MYBL1: variants seen among roughly 807,000 people sequenced by gnomAD.
MYBL1 encodes myb-related protein A.
In MYBL1, 17 loss-of-function variants were observed where a neutral mutation model predicts 96.3. That is an observed-to-expected ratio of 0.18 (90% confidence interval 0.12 to 0.26). MYBL1 has a LOEUF of 0.26. MYBL1 is among the 10% of genes least tolerant of loss of function. MYBL1 has a pLI of 1.00. For missense variants in MYBL1, 701 were observed against 882.9 expected (o/e 0.79, Z 2.61); for synonymous variants, 282 against 292.7 (o/e 0.96, Z 0.37).
intron 12 of MYBL1, among the ~76,000 whole-genome samples, chr8:66,567,888 C>A (rs1188224786): frequency 6.6e-6 from 1 of 151,512 alleles, no homozygotes; most frequent in East Asian, 1.9e-4. Flanking sequence ...ATGGTGAAAC[C>A]CCATCTCTAC....
Position 66,564,811 on chromosome 8 carries a change from C to A in MYBL1, c.2145G>T (p.Trp715Cys). Reference sequence around the variant, plus strand: ...CTGTCTTCCCATAAACCACTGTTTCCCATTCACAATTTGACTAGAAAGGAA... The same window carrying A: ...CTGTCTTCCCATAAACCACTGTTTCACATTCACAATTTGACTAGAAAGGAA... ...LEKNLQSNCE[W>C]ETVVYGKTED... Residue 715 changes from tryptophan to cysteine, a missense_variant, in exon 16 of 16, where the codon TGG becomes TGT. Around this residue, in one of 5 missense-constraint regions of MYBL1, gnomAD observed 137 missense variants for 137.5 expected, o/e 1.00. Coordinates refer to ENST00000522677, the MANE Select transcript of MYBL1 (RefSeq NM_001080416.4). 1.3e-6 allele frequency: 2 copies of A among 1,565,100 alleles called. No homozygotes were observed. Among genetic ancestry groups the A allele is most frequent in the Admixed American group, 1.8e-5 (1 of 54,398 alleles).
chr8:66,611,715 T>A (rs953923997), intron 1 of MYBL1, among the ~76,000 whole-genome samples: 3 of 152,208 alleles, frequency 2.0e-5, no homozygotes, highest in African/African-American at 7.2e-5. Context: ...GACTTAAGGA[T>A]TTCTGCAGAA....
At chr8:66,597,296 G>C (rs1434401597) in intron 5 of MYBL1, 34 bp downstream of exon 5, 3 of 1,415,588 alleles carry the variant, frequency 2.1e-6, no homozygotes, top group Admixed American at 2.6e-5. Context: ...TCATGTTTAA[G>C]TACAGAAAAA....
rs556396962 is a variant in MYBL1 at position 66,574,262 on chromosome 8, G to A, written c.1471-756C>T. On this transcript the variant is annotated intron_variant, in intron 10 of 15. Coordinates refer to ENST00000522677, the MANE Select transcript of MYBL1 (RefSeq NM_001080416.4). ...TTAGTAATCAAACCCTCTTTTACACGATAAAATCCAAGCAGTTTGCCATGG... is the reference window on the plus strand; with the variant it reads ...TTAGTAATCAAACCCTCTTTTACACAATAAAATCCAAGCAGTTTGCCATGG... 5.3e-5 allele frequency among the ~76,000 whole-genome samples: 8 copies of A among 152,146 alleles called. No homozygotes were observed. In the South Asian group the frequency reaches 1.5e-3, roughly 28 times the overall value.
intron 12 of MYBL1, 61 bp from the exon 13 acceptor site, chr8:66,567,053 A>G: frequency 9.0e-7 from 1 of 1,111,412 alleles, no homozygotes; most frequent in South Asian, 1.4e-5. Flanking sequence ...TTCTCCCTAT[A>G]TATAGGAAAC....
At chr8:66,595,230 T>C (rs1369929487) in intron 6 of MYBL1, among the ~76,000 whole-genome samples, 2 of 152,166 alleles carry the variant, frequency 1.3e-5, no homozygotes, top group Non-Finnish European at 2.9e-5. Context: ...ATTTTATATA[T>C]ACCTACCTCT....
intron 1 of MYBL1, among the ~76,000 whole-genome samples, chr8:66,604,993 C>T (rs537332936): frequency 1.3e-5 from 2 of 151,872 alleles, no homozygotes; most frequent in South Asian, 4.2e-4. Flanking sequence ...ACAGCACTTC[C>T]CAACAGAGAC....
chr8:66,604,293 C>T (rs958816389), intron 1 of MYBL1, among the ~76,000 whole-genome samples: 10 of 152,058 alleles, frequency 6.6e-5, no homozygotes, highest in Non-Finnish European at 1.2e-4. Context: ...GAGGCTGAGT[C>T]GAGCAGATCA....
chr8:66,577,333 T>C (rs1242197978), intron 9 of MYBL1, among the ~76,000 whole-genome samples: 2 of 147,818 alleles, frequency 1.4e-5, no homozygotes, highest in Non-Finnish European at 3.0e-5. Flanking sequence ...AAAACCCCAT[T>C]GTCTCAGCCC....
chr8:66,577,776 T>C (rs1809023833), intron 9 of MYBL1, among the ~76,000 whole-genome samples: 2 of 152,070 alleles, frequency 1.3e-5, no homozygotes, highest in African/African-American at 4.8e-5. Flanking sequence ...ACCAAGTCAA[T>C]CCTAAGCCAA....
rs1473388798 is a variant in MYBL1 at position 66,576,111 on chromosome 8, C to A, written c.1366G>T (p.Gly456Cys). The A allele has an allele frequency of 1.2e-6, 2 of 1,613,752 alleles. No homozygotes were observed. Among genetic ancestry groups the A allele is most frequent in the Non-Finnish European group, 1.7e-6 (2 of 1,179,872 alleles). The change falls in exon 10 of 16, where the codon GGT (glycine) becomes TGT (cysteine). Residue 456 changes from glycine to cysteine, a missense_variant. Gly to Cys is a radical substitution (Grantham distance 159). Transcript: ENST00000522677. The part of the protein sequence containing the change: ...ILRKKRKMRV[G>C]HSPGSELRDG... ...CTAAGTTCGCTGCCTGGGGAATGAC[C>A]CACTCGCATTTTTCTCTTCTTTCTG...
At chr8:66,569,738 A>G (rs561104862) in intron 12 of MYBL1, among the ~76,000 whole-genome samples, 1 of 152,344 alleles carries the variant, frequency 6.6e-6, no homozygotes, top group South Asian at 2.1e-4. Flanking sequence ...AATAGGGCTA[A>G]GACAGATTAA....
chr8:66,595,729 TC>T lies in MYBL1; in HGVS notation c.540del (p.Trp180Ter). 1 of 1,566,514 alleles carries T rather than the reference TC, an allele frequency of 6.4e-7. No homozygotes were observed. Among genetic ancestry groups the T allele is most frequent in the South Asian group, 1.2e-5 (1 of 84,746 alleles). On this transcript the variant is annotated frameshift_variant, in exon 6 of 16. Transcript: ENST00000522677. LOFTEE classifies it high-confidence loss of function. ...GRTDNSIKNHWNSTMRRKVEQ... is the reference protein window; with the variant it reads ...GRTDNSIKNHXNSTMRRKVEQ... Reference sequence around the variant, plus strand: ...TCCACTTTTCTTCGCATAGTAGAATTCCAATGATTTTTGATAGAATTATCAG... The same window carrying T: ...TCCACTTTTCTTCGCATAGTAGAATTCAATGATTTTTGATAGAATTATCAG...
At chr8:66,588,803 C>T (rs754555980) in intron 8 of MYBL1, among the ~76,000 whole-genome samples, 1 of 152,120 alleles carries the variant, frequency 6.6e-6, no homozygotes, top group Non-Finnish European at 1.5e-5. Context: ...AGGTGGATCA[C>T]GAGGTCAGGA....
At chr8:66,585,160 G>C (rs187606455) in intron 8 of MYBL1, among the ~76,000 whole-genome samples, 69 of 152,076 alleles carry the variant, frequency 4.5e-4, no homozygotes, top group African/African-American at 1.5e-3. Context: ...ATTCTATATA[G>C]AGCTGTAGTA....
intron 5 of MYBL1, among the ~76,000 whole-genome samples, chr8:66,596,752 A>G (rs1809865621): frequency 6.6e-6 from 1 of 152,186 alleles, no homozygotes; most frequent in African/African-American, 2.4e-5. Context: ...CTGCTGTACT[A>G]AACGCTATTA....
Position 66,562,981 on chromosome 8 carries a change from T to C in MYBL1, c.*1716A>G, listed in dbSNP as rs950932822. The C allele has an allele frequency of 2.0e-5, 3 of 151,258 alleles. No individual in the cohort carries two copies. The highest frequency in any genetic ancestry group is 6.6e-5 in the Admixed American group (1 of 15,108). The allele number at this position is 151,258 out of a possible 1,614,324, so 9.4% of individuals were successfully genotyped here. On this transcript the variant is annotated 3_prime_UTR_variant, in exon 16 of 16. Transcript: ENST00000522677. The stretch of plus-strand genomic sequence containing the variant: ...AGTAGATTTAAATAGCTTAAAACCC[T>C]TTTAGGTCTACTGTTCAAGAGCTAA...
At chr8:66,580,483 C>G (rs568160127) in intron 8 of MYBL1, 117 bp from the exon 9 acceptor site, 1 of 673,714 alleles carries the variant, frequency 1.5e-6, no homozygotes, top group East Asian at 2.7e-5. Flanking sequence ...TGTCTTTCCT[C>G]AAAATTGGTA....
At chr8:66,609,378 T>C (rs945457493) in intron 1 of MYBL1, among the ~76,000 whole-genome samples, 1 of 151,946 alleles carries the variant, frequency 6.6e-6, no homozygotes, top group Admixed American at 6.5e-5. Flanking sequence ...ATCAAGTTGA[T>C]AATATTTTTA....
Sources: gnomAD v4.1 joint callset for allele counts (sites outside exome capture counted in the v4.1 genomes callset) on GRCh38, gnomAD v4.1.1 for gene constraint, gnomAD v4.1.1 regional missense constraint, MANE v1.5 for transcripts, NCBI Gene and HGNC (gene_info 2026-07-23, HGNC 2026-07-21) for gene names.